TRPM5: variants seen among roughly 807,000 people sequenced by gnomAD.
TRPM5 encodes transient receptor potential cation channel subfamily M member 5.
TRPM5 carries 121 observed loss-of-function variants against 124.9 expected under a neutral mutation model. The observed-to-expected ratio is 0.97, with a 90% CI of 0.84 to 1.13. The LOEUF is 1.13. TRPM5 is among the 50% of genes most tolerant of loss of function. The pLI is 0.00. For missense variants in TRPM5, 1,643 were observed against 1,589.1 expected (o/e 1.03, Z -0.58); for synonymous variants, 781 against 700.5 (o/e 1.11, Z -1.81).
At chr11:2,440,640 GC>G in the TRPM5 span, among the ~76,000 whole-genome samples, 2 of 152,092 alleles carry the variant, frequency 1.3e-5, no homozygotes, top group Non-Finnish European at 2.9e-5. The surrounding 1 kb of genome is among the most constrained non-coding windows in gnomAD (Gnocchi z 5.2). Flanking sequence ...CCCATCCTGT[GC>G]CCCCTTCGTT....
chr11:2,406,981 C>T, intron 20 of TRPM5, 138 bp downstream of exon 25: 1 of 1,308,064 alleles, frequency 7.6e-7, no homozygotes, highest in Admixed American at 2.8e-5. Context: ...CTGTGCCAGC[C>T]TGCACAGAGC....
intron 4 of TRPM5, 79 bp from the exon 10 acceptor site, chr11:2,418,670 C>T: frequency 1.4e-6 from 2 of 1,426,182 alleles, no homozygotes; most frequent in Non-Finnish European, 1.9e-6. Flanking sequence ...CAGGCCACCA[C>T]ATTTTCTGGC....
At chr11:2,437,525 C>G in the TRPM5 span, among the ~76,000 whole-genome samples, 1 of 152,108 alleles carries the variant, frequency 6.6e-6, no homozygotes, top group Non-Finnish European at 1.5e-5. This position sits in a 1 kb window ranked among gnomAD's most constrained non-coding sequence, Gnocchi z 5.6. Context: ...GTGGAGTGAC[C>G]ATCTGACATA....
chr11:2,413,077 G>A, intron 14 of TRPM5, 57 bp downstream of exon 19: 1 of 1,541,226 alleles, frequency 6.5e-7, no homozygotes, highest in Non-Finnish European at 8.8e-7. Flanking sequence ...CCAGAGTCCA[G>A]CCTCCCAGCC....
Position 2,423,033 on chromosome 11 carries a change from G to A in TRPM5, c.4C>T (p.Gln2Ter), listed in dbSNP as rs779380739. 5.6e-6 allele frequency: 9 copies of A among 1,610,440 alleles called. No individual in the cohort carries two copies. The highest frequency in any genetic ancestry group is 7.6e-6 in the Non-Finnish European group (9 of 1,179,396). ...CCGGGACGGGGGCCTTGGACATCCT[G>A]CATGGTGGCCTCTAGAGCTGCAGGG... Residue 2 changes from glutamine to a stop codon, truncating the protein, a stop_gained, in exon 1 of 24, where the codon CAG (glutamine) becomes TAG (stop). Coordinates refer to ENST00000155858, the Ensembl canonical transcript of TRPM5. LOFTEE classifies it high-confidence loss of function.
In TRPM5 at chr11:2,421,209, G is replaced by A; in HGVS notation, c.299-11C>T. 1 of 1,533,096 alleles carries A rather than the reference G, an allele frequency of 6.5e-7. No homozygotes were observed. The allele number at this position is 1,533,096 out of a possible 1,614,324, so 95.0% of individuals were successfully genotyped here. On this transcript the variant is annotated splice_polypyrimidine_tract_variant and intron_variant, in intron 2 of 23. Coordinates refer to ENST00000155858, the Ensembl canonical transcript of TRPM5. ...TCAGGATCCAGGCTCCTGTGGGGATGGAAGAGGGCCTCGTTGTGCCGCACG... is the reference window on the plus strand; with the variant it reads ...TCAGGATCCAGGCTCCTGTGGGGATAGAAGAGGGCCTCGTTGTGCCGCACG...
exon 5 of TRPM5, chr11:2,418,546 C>T: frequency 6.2e-7 from 1 of 1,611,712 alleles, no homozygotes; most frequent in Non-Finnish European, 8.5e-7. Flanking sequence ...GTTGGGATCA[C>T]CATTGACCAG....
the TRPM5 span, among the ~76,000 whole-genome samples, chr11:2,442,894 C>T: frequency 6.6e-6 from 1 of 152,214 alleles, no homozygotes; most frequent in South Asian, 2.1e-4. The surrounding 1 kb of genome is among the most constrained non-coding windows in gnomAD (Gnocchi z 5.9). Flanking sequence ...CTTCTGCTCC[C>T]TTTTCTATAG....
the TRPM5 span, among the ~76,000 whole-genome samples, chr11:2,433,387 GCCCGGCCAACTCCA>G: frequency 7.0e-4 from 106 of 152,378 alleles, no homozygotes; most frequent in African/African-American, 2.5e-3. Flanking sequence ...CGCAAGGGCT[GCCCGGCCAACTCCA>G]CCATTGAGGG....
upstream of TRPM5, among the ~76,000 whole-genome samples, chr11:2,425,873 G>T (rs779206685): frequency 2.9e-4 from 44 of 152,298 alleles, no homozygotes; most frequent in Admixed American, 8.5e-4. Flanking sequence ...TGACTCTTAG[G>T]CCATAGATGG....
At chr11:2,433,176 T>C in the TRPM5 span, among the ~76,000 whole-genome samples, 1 of 152,206 alleles carries the variant, frequency 6.6e-6, no homozygotes, top group Non-Finnish European at 1.5e-5. Flanking sequence ...TGAACAGAGG[T>C]AGAGGCCGTA....
At chr11:2,414,660 C>A in intron 11 of TRPM5, 55 bp downstream of exon 16, 1 of 1,481,922 alleles carries the variant, frequency 6.7e-7, no homozygotes, top group South Asian at 1.3e-5. Flanking sequence ...TCGTCCGACC[C>A]CTCCGTCACA....
At chr11:2,414,640 C>T (rs1850526577) in intron 11 of TRPM5, 75 bp downstream of exon 16, 7 of 1,466,324 alleles carry the variant, frequency 4.8e-6, no homozygotes, top group Non-Finnish European at 6.3e-6. Context: ...CTGGCGAGGC[C>T]CAGGACCCTT....
At chr11:2,440,718 A>G in the TRPM5 span, among the ~76,000 whole-genome samples, 1 of 152,004 alleles carries the variant, frequency 6.6e-6, no homozygotes, top group East Asian at 1.9e-4. The surrounding 1 kb of genome is among the most constrained non-coding windows in gnomAD (Gnocchi z 5.2). Context: ...AGCGCCTGGC[A>G]CTCAGCCGGT....
At chr11:2,404,048 C>G (rs1850262487), downstream of TRPM5, among the ~76,000 whole-genome samples, 1 of 152,220 alleles carries the variant, frequency 6.6e-6, no homozygotes, top group Non-Finnish European at 1.5e-5. Flanking sequence ...TCCTCTAGGG[C>G]TTGTGGCTCA....
rs778537856 is a variant in TRPM5, at chr11:2,414,836, G to A, written c.1623C>T (p.Gly541=). Residue 541 remains glycine, a splice_region_variant and synonymous_variant, in exon 11 of 24, where the codon GGC becomes GGT. Coordinates refer to ENST00000155858, the Ensembl canonical transcript of TRPM5. ...CCAGTGCGGCTGCCACACCTTCCTG[G>A]CCCTACGAGACCTGGTCTCAGGAGG... The A allele has an allele frequency of 3.0e-5, 47 of 1,592,244 alleles. 1 individual carries two copies. The highest frequency in any genetic ancestry group is 4.0e-5 in the Non-Finnish European group (47 of 1,170,692).
In TRPM5 at chr11:2,420,513, C is replaced by T. The variant is rs1015828854; in HGVS notation, c.466-108G>A. 2 of 1,143,812 alleles carry T rather than the reference C, an allele frequency of 1.7e-6. 1 individual carries two copies. 70.9% of individuals were successfully genotyped at this position (1,143,812 alleles called of 1,614,324 possible). On this transcript the variant is annotated intron_variant, in intron 3 of 23. Coordinates refer to ENST00000155858, the Ensembl canonical transcript of TRPM5. The stretch of plus-strand genomic sequence containing the variant: ...GTGCACACCACGCCATGGGGCCCCG[C>T]ACAAGGCTTCTGCCCGAGCCTTGGT...
exon 12 of TRPM5, chr11:2,414,182 T>G: frequency 1.9e-6 from 3 of 1,609,976 alleles, no homozygotes; most frequent in Non-Finnish European, 2.5e-6. Flanking sequence ...GGCCTCACTG[T>G]TGCTGTAGCA....
At chr11:2,411,732 A>G in exon 17 of TRPM5, 1 of 1,612,568 alleles carries the variant, frequency 6.2e-7, no homozygotes, top group Non-Finnish European at 8.5e-7. Context: ...CATGGCGAGG[A>G]CTGTGCGGCC....
Sources: allele counts gnomAD v4.1 joint callset (sites outside exome capture counted in the v4.1 genomes callset), GRCh38; gene constraint gnomAD v4.1.1; non-coding constraint Gnocchi (gnomAD v3.1); transcripts MANE v1.5; gene names NCBI Gene and HGNC (gene_info 2026-07-23, HGNC 2026-07-21).